The following UGT2A1 variants were observed in gnomAD, a reference collection of about 807,000 sequenced individuals.
UGT2A1 encodes the protein UDP-glucuronosyltransferase 2A1.
UGT2A1 carries 61 observed loss-of-function variants against 45.4 expected under a neutral mutation model. The observed-to-expected ratio is 1.34, with a 90% CI of 1.09 to 1.66. The LOEUF (loss-of-function observed/expected upper bound fraction) is 1.66, where lower values mean the gene tolerates loss of function less well. UGT2A1 is among the 40% of genes most tolerant of loss of function. The probability of loss-of-function intolerance (pLI) is 0.00; values close to 1 mark genes in which losing one functional copy is unlikely to be tolerated. For missense variants in UGT2A1, 649 were observed against 574.3 expected (o/e 1.13, Z -1.33); for synonymous variants, 229 against 196.2 (o/e 1.17, Z -1.40).
intron 1 of UGT2A1, among the ~76,000 whole-genome samples, chr4:69,652,282 C>CTTT (rs10649712): frequency 0.27 from 32,714 of 119,626 alleles, 5,280 homozygotes; most frequent in South Asian, 0.35. Context: ...ACTTTATGTC[C>CTTT]TTTTTTTTTT....
At chr4:69,598,710 G>GTT (rs4148317) in intron 4 of UGT2A1, among the ~76,000 whole-genome samples, 1 of 149,084 alleles carries the variant, frequency 6.7e-6, no homozygotes, top group East Asian at 2.0e-4. Flanking sequence ...ACTCAAAAGA[G>GTT]TTTTTTTTTT....
At chr4:69,639,978 T>A (rs1721965819) in intron 2 of UGT2A1, among the ~76,000 whole-genome samples, 1 of 152,032 alleles carries the variant, frequency 6.6e-6, no homozygotes, top group Admixed American at 6.6e-5. Context: ...TGCTCAAACA[T>A]TTCAAGGTGT....
At chr4:69,618,502 C>G (rs1418637169) in intron 3 of UGT2A1, among the ~76,000 whole-genome samples, 2 of 151,668 alleles carry the variant, frequency 1.3e-5, no homozygotes, top group African/African-American at 4.8e-5. Context: ...TTTCTGCTGC[C>G]AAAAATAAAT....
chr4:69,627,207 G>A (rs1721109736), intron 3 of UGT2A1, among the ~76,000 whole-genome samples: 1 of 151,464 alleles, frequency 6.6e-6, no homozygotes, highest in East Asian at 1.9e-4. Flanking sequence ...ATAACACAAT[G>A]TTTACCTATT....
At chr4:69,601,567 A>G (rs1355589403) in intron 3 of UGT2A1, among the ~76,000 whole-genome samples, 2 of 152,142 alleles carry the variant, frequency 1.3e-5, no homozygotes, top group Admixed American at 6.6e-5. Context: ...GACCTCAGCT[A>G]TCACTATTAC....
At chr4:69,599,466 A>C (rs1719131478) in intron 3 of UGT2A1, 72 bp from the exon 4 acceptor site, 2 of 1,578,628 alleles carry the variant, frequency 1.3e-6, no homozygotes, top group Admixed American at 2.1e-5. Flanking sequence ...AAAAGCTACC[A>C]GTAATTTCCT....
At chr4:69,622,072 T>C (rs1013304936) in intron 3 of UGT2A1, among the ~76,000 whole-genome samples, 2 of 151,866 alleles carry the variant, frequency 1.3e-5, no homozygotes, top group Admixed American at 1.3e-4. Context: ...GCTTAATACC[T>C]GGGTCATGGA....
chr4:69,648,586 T>A (rs777509741), intron 1 of UGT2A1, among the ~76,000 whole-genome samples: 20 of 151,964 alleles, frequency 1.3e-4, no homozygotes, highest in Non-Finnish European at 2.5e-4. Context: ...TTAAAAATTA[T>A]CCAATTATGG....
At chr4:69,590,094 T>C (rs376677192) in intron 6 of UGT2A1, among the ~76,000 whole-genome samples, 3 of 152,320 alleles carry the variant, frequency 2.0e-5, no homozygotes, top group East Asian at 3.9e-4. Flanking sequence ...TCAGCATTAG[T>C]GAGTCATTTT....
At chr4:69,596,329 GA>G in intron 4 of UGT2A1, 1 of 1,607,692 alleles carries the variant, frequency 6.2e-7, no homozygotes, top group Non-Finnish European at 8.5e-7. Context: ...TGATCCCAGA[GA>G]AAACACCACA....
chr4:69,617,479 A>G (rs999577429), intron 3 of UGT2A1, among the ~76,000 whole-genome samples: 12 of 151,996 alleles, frequency 7.9e-5, no homozygotes, highest in African/African-American at 2.9e-4. Context: ...GTATATACGT[A>G]GACGTACAAA....
intron 2 of UGT2A1, among the ~76,000 whole-genome samples, chr4:69,643,034 G>A (rs553091079): frequency 3.4e-4 from 51 of 151,184 alleles, no homozygotes; most frequent in Non-Finnish European, 6.7e-4. Context: ...GTATACATTC[G>A]AAACTGTGGA....
chr4:69,620,654 C>T (rs1185044059), intron 3 of UGT2A1, among the ~76,000 whole-genome samples: 1 of 122,758 alleles, frequency 8.1e-6, no homozygotes, highest in Non-Finnish European at 1.7e-5. Flanking sequence ...ATATATGGAA[C>T]CAAAAAAAAA....
chr4:69,592,021 G>A (rs1022330590), intron 6 of UGT2A1, among the ~76,000 whole-genome samples: 1 of 152,146 alleles, frequency 6.6e-6, no homozygotes, highest in Admixed American at 6.5e-5. Flanking sequence ...AGCAAAAGTG[G>A]ACAACCAGGG....
chr4:69,635,733 G>A lies in UGT2A1; in HGVS notation c.805C>T (p.Arg269Cys), dbSNP rs6811810. The change falls in exon 3 of 7, where the codon CGC becomes TGC. Residue 269 changes from arginine (R) to cysteine (C), a missense_variant. Transcript: ENST00000286604. ...PLLPGFKRFS[R>C]LSLHCSWDYR... ...TCCCAACTACAATGGAGGCTGAGGC[G>A]GGAGAATCGCTTGAACCCGGGAAGC... The A allele has an allele frequency of 0.24, 58,417 of 248,248 alleles. 7,641 individuals carry two copies. Among genetic ancestry groups the A allele is most frequent in the African/African-American group, 0.33 (14,030 of 42,152 alleles). The allele number at this position is 248,248 out of a possible 1,614,324, so 15.4% of individuals were successfully genotyped here. A position where few individuals can be genotyped will look rare whatever the true frequency, so the allele number is the denominator to read the frequency against.
intron 3 of UGT2A1, among the ~76,000 whole-genome samples, chr4:69,607,975 C>T (rs1360478617): frequency 1.3e-5 from 2 of 152,120 alleles, no homozygotes; most frequent in Non-Finnish European, 2.9e-5. Context: ...GTTGGTGGGA[C>T]TGTAAACTAG....
At chr4:69,615,843 A>T (rs1720347931) in intron 3 of UGT2A1, among the ~76,000 whole-genome samples, 1 of 150,696 alleles carries the variant, frequency 6.6e-6, no homozygotes, top group African/African-American at 2.4e-5. Context: ...TATGGAGAAG[A>T]GTGTGGATAT....
intron 2 of UGT2A1, among the ~76,000 whole-genome samples, chr4:69,636,871 G>A (rs1449624939): frequency 6.6e-6 from 1 of 152,130 alleles, no homozygotes; most frequent in African/African-American, 2.4e-5. Flanking sequence ...AGAAAGCACT[G>A]TGACTCTAAA....
Position 69,599,265 on chromosome 4 carries a change from G to A in UGT2A1, c.977C>T (p.Pro326Leu). The A allele has an allele frequency of 1.9e-6, 3 of 1,613,588 alleles. No homozygotes were observed. Among genetic ancestry groups the A allele is most frequent in the Non-Finnish European group, 2.5e-6 (3 of 1,179,814 alleles). Residue 326 changes from proline to leucine, a missense_variant, in exon 4 of 7, where the codon CCT becomes CTT. By Grantham distance (98) the Pro-to-Leu change is moderately conservative (BLOSUM62 -3). Coordinates refer to ENST00000286604, the MANE Select transcript of UGT2A1 (RefSeq NM_001252275.3). Reference protein sequence around the residue: ...FEFVGGLHCKPAKPLPKVLWR... With the variant: ...FEFVGGLHCKLAKPLPKVLWR... Reference sequence around the variant, plus strand: ...ACCTACCTTAGGTAAAGGTTTGGCAGGTTTGCAGTGCAATCCTCCAACAAA... The same window carrying A: ...ACCTACCTTAGGTAAAGGTTTGGCAAGTTTGCAGTGCAATCCTCCAACAAA...
Sources: gnomAD v4.1 joint callset for allele counts (sites outside exome capture counted in the v4.1 genomes callset) on GRCh38, gnomAD v4.1.1 for gene constraint, MANE v1.5 for transcripts, NCBI Gene and HGNC (gene_info 2026-07-23, HGNC 2026-07-21) for gene names.